Variants in SNX5 observed in about 807,000 individuals in gnomAD.
The protein encoded by SNX5 is sorting nexin-5.
Under a neutral mutation model 53.9 loss-of-function variants are expected in SNX5, and 31 were observed. The ratio of observed to expected loss-of-function variants is 0.58; its 90% CI spans 0.43 to 0.78. The LOEUF is 0.78. Among genes scored for constraint, SNX5 ranks in the 30% least tolerant of loss-of-function variants. The pLI, the probability that SNX5 is intolerant of heterozygous loss-of-function variation, is 0.00. For synonymous variants in SNX5, 168 were observed against 171.1 expected (o/e 0.98, Z 0.14); for missense variants, 471 against 478.8 (o/e 0.98, Z 0.15).
At chr20:17,945,661 G>A (rs1236037268) in intron 11 of SNX5, 1 of 151,424 alleles carries the variant, frequency 6.6e-6, no homozygotes, top group African/African-American at 2.4e-5. Flanking sequence ...AAACAGGGTA[G>A]CATGAAGGTT....
chr20:17,968,207 G>A, intron 1 of SNX5, 168 bp downstream of exon 1: 1 of 433,814 alleles, frequency 2.3e-6, no homozygotes, highest in South Asian at 1.1e-4. Flanking sequence ...CCCCGGGGCA[G>A]CCTTCAGTGA....
At chr20:17,953,162 T>A (rs1432097108) in intron 4 of SNX5, among the ~76,000 whole-genome samples, 1 of 152,288 alleles carries the variant, frequency 6.6e-6, no homozygotes, top group African/African-American at 2.4e-5. Flanking sequence ...GGATCTGTTG[T>A]GTTCAGTGCC....
At chr20:17,968,094 G>A (rs1025390111) in intron 1 of SNX5, 3 of 398,728 alleles carry the variant, frequency 7.5e-6, no homozygotes, top group Non-Finnish European at 1.3e-5. Flanking sequence ...GGGGTCTCCA[G>A]AGATCATCTC....
intron 2 of SNX5, among the ~76,000 whole-genome samples, chr20:17,956,696 A>C (rs57729050): frequency 5.5e-4 from 71 of 128,954 alleles, no homozygotes; most frequent in South Asian, 5.3e-3. Flanking sequence ...AAAAAAAAAA[A>C]AAAAAAAACA....
At chr20:17,967,954 C>T (rs1341412356) in intron 1 of SNX5, 1 of 397,496 alleles carries the variant, frequency 2.5e-6, no homozygotes, top group Non-Finnish European at 4.4e-6. Flanking sequence ...AAAGTCTTCT[C>T]AGTAAAAGGT....
intron 1 of SNX5, chr20:17,962,789 G>A (rs552101943): frequency 6.9e-5 from 36 of 519,050 alleles, no homozygotes; most frequent in Middle Eastern, 6.3e-4. Context: ...CATTCTTACC[G>A]GTAGCCTGCC....
rs774286425 is a variant in SNX5, at chr20:17,950,290, CTT to C, written c.714_715del (p.Asn239CysfsTer4). ...TCTGACTAGCGGTAAATGATATTTACTTTTATGAGATCTGGTCATTTTGTCAG... is the reference window on the plus strand; with the variant it reads ...TCTGACTAGCGGTAAATGATATTTACTTATGAGATCTGGTCATTTTGTCAG... On this transcript the variant is annotated frameshift_variant and splice_region_variant, in exon 7 of 13. Transcript: ENST00000377759. LOFTEE classifies it high-confidence loss of function. 3 of 1,611,810 alleles carry C rather than the reference CTT, an allele frequency of 1.9e-6. No homozygotes were observed. In the South Asian group the frequency reaches 3.3e-5, roughly 18 times the overall value.
intron 12 of SNX5, chr20:17,942,716 T>A (rs1204998609): frequency 2.4e-6 from 1 of 415,698 alleles, no homozygotes; most frequent in African/African-American, 2.0e-5. Context: ...ACACTATCAG[T>A]GCGTTGTTCC....
At chr20:17,956,262 G>C (rs942418559) in intron 2 of SNX5, among the ~76,000 whole-genome samples, 4 of 152,220 alleles carry the variant, frequency 2.6e-5, no homozygotes, top group African/African-American at 4.8e-5. Context: ...AGCTCAGGCA[G>C]AGAATTATGT....
In SNX5 at chr20:17,968,771, C is replaced by A; in HGVS notation, c.-346G>T. 6.0e-6 allele frequency: 2 copies of A among 333,154 alleles called. No individual in the cohort carries two copies. Among genetic ancestry groups the A allele is most frequent in the South Asian group, 4.5e-5 (1 of 22,274 alleles). The allele number at this position is 333,154 out of a possible 1,614,324, so 20.6% of individuals were successfully genotyped here. On this transcript the variant is annotated 5_prime_UTR_variant, in exon 1 of 13. Coordinates refer to ENST00000377759, the MANE Select transcript of SNX5 (RefSeq NM_014426.4). ...CGGACGGGAAGCAACGGACACTCTC[C>A]CAGCAAGACGCGTCTAGAGAAAGAC...
At chr20:17,960,010 C>T (rs550321002) in intron 1 of SNX5, among the ~76,000 whole-genome samples, 1 of 152,124 alleles carries the variant, frequency 6.6e-6, no homozygotes, top group Non-Finnish European at 1.5e-5. Flanking sequence ...TTACAGTGGC[C>T]GTTTACAACA....
chr20:17,950,137 G>C lies in SNX5; in HGVS notation c.786C>G (p.Ile262Met), dbSNP rs1251939558. 9 of 1,613,996 alleles carry C rather than the reference G, an allele frequency of 5.6e-6. No homozygotes were observed. Among genetic ancestry groups the C allele is most frequent in the Non-Finnish European group, 7.6e-6 (9 of 1,179,914 alleles). Residue 262 changes from isoleucine to methionine, a missense_variant, in exon 8 of 13, where the codon ATC becomes ATG. Ile to Met is a conservative substitution (Grantham distance 10). Transcript: ENST00000377759. ...GCTTTTCCAAAAAAACTTACTTTTT[G>C]ATGACTGTGGGCTCTTCTAAAGCCA... ...HSLALEEPTVIKKYLLKVAEL... is the reference protein window; with the variant it reads ...HSLALEEPTVMKKYLLKVAEL...
At chr20:17,950,026 T>C in intron 8 of SNX5, 106 bp downstream of exon 8, 1 of 899,934 alleles carries the variant, frequency 1.1e-6, no homozygotes, top group Non-Finnish European at 1.8e-6. Context: ...ACTGAGCTTG[T>C]AACTCCAGAG....
chr20:17,958,938 C>T (rs1284546412), intron 1 of SNX5, among the ~76,000 whole-genome samples: 2 of 152,214 alleles, frequency 1.3e-5, no homozygotes, highest in African/African-American at 4.8e-5. Context: ...TAAACAGAGC[C>T]AGGCCTAAGA....
intron 12 of SNX5, 99 bp from the exon 13 acceptor site, chr20:17,942,506 T>A: frequency 1.1e-6 from 1 of 907,484 alleles, no homozygotes; most frequent in East Asian, 2.4e-5. Flanking sequence ...ACGGGAGGTT[T>A]AAAGTCAGCC....
At chr20:17,957,828 T>A (rs2035386798) in intron 1 of SNX5, among the ~76,000 whole-genome samples, 1 of 152,026 alleles carries the variant, frequency 6.6e-6, no homozygotes, top group Admixed American at 6.5e-5. Context: ...AGCCAAGGAA[T>A]CTAGACAGGA....
intron 1 of SNX5, among the ~76,000 whole-genome samples, chr20:17,962,436 C>T (rs2035472135): frequency 6.6e-6 from 1 of 151,966 alleles, no homozygotes; most frequent in Non-Finnish European, 1.5e-5. Flanking sequence ...AACTCCTGAC[C>T]TCGTGATCTG....
At position 17,942,753 on chromosome 20, in the gene SNX5, G is replaced by A. The variant is rs977120473; in HGVS notation, c.1165-346C>T. ...TGAAGGCAAGGGCCTTGGAAAGATTGAATAAAAGTTGCTAGAAATTAGGGC... is the reference window on the plus strand; with the variant it reads ...TGAAGGCAAGGGCCTTGGAAAGATTAAATAAAAGTTGCTAGAAATTAGGGC... On this transcript the variant is annotated intron_variant, in intron 12 of 12. Transcript: ENST00000377759. 4.6e-5 allele frequency: 17 copies of A among 365,614 alleles called. No homozygotes were observed. The South Asian group carries it at 5.9e-4, about 13-fold the overall frequency. 22.6% of individuals were successfully genotyped at this position (365,614 alleles called of 1,614,324 possible).
chr20:17,967,913 T>C (rs1023883849), intron 1 of SNX5: 10 of 395,452 alleles, frequency 2.5e-5, no homozygotes, highest in Middle Eastern at 6.2e-4. Context: ...CTTGATGCAA[T>C]TTCCCAAGTT....
Sources: allele counts gnomAD v4.1 joint callset (sites outside exome capture counted in the v4.1 genomes callset), GRCh38; gene constraint gnomAD v4.1.1; transcripts MANE v1.5; gene names NCBI Gene and HGNC (gene_info 2026-07-23, HGNC 2026-07-21).